KLHL14: variants seen among roughly 807,000 people sequenced by gnomAD.
The protein encoded by KLHL14 is kelch like family member 14.
Under a neutral mutation model 64.3 loss-of-function variants are expected in KLHL14, and 22 were observed. The ratio of observed to expected loss-of-function variants is 0.34; its 90% CI spans 0.24 to 0.49. KLHL14 has a LOEUF of 0.49. KLHL14 is among the 20% of genes least tolerant of loss of function. KLHL14 has a pLI of 0.99. For missense variants in KLHL14, 661 were observed against 789.0 expected (o/e 0.84, Z 1.94); for synonymous variants, 322 against 333.4 (o/e 0.97, Z 0.37).
chr18:32,762,824 G>A (rs1523577), intron 2 of KLHL14, among the ~76,000 whole-genome samples: 68,527 of 151,964 alleles, frequency 0.45, 17,330 homozygotes, highest in East Asian at 0.93. Context: ...TGAATTCTAA[G>A]TGAATGAGAG....
At chr18:32,763,064 G>A (rs1336058014) in intron 2 of KLHL14, among the ~76,000 whole-genome samples, 1 of 149,256 alleles carries the variant, frequency 6.7e-6, no homozygotes, top group Admixed American at 6.7e-5. Flanking sequence ...TCAGTGCACA[G>A]AAATCCAGGG....
rs936108079 is a variant in KLHL14 at position 32,680,871 on chromosome 18, T to A, written c.1239-272A>T. 3.9e-5 allele frequency among the ~76,000 whole-genome samples: 6 copies of A among 152,170 alleles called. No homozygotes were observed. The highest frequency in any genetic ancestry group is 1.4e-4 in the African/African-American group (6 of 41,448). The stretch of plus-strand genomic sequence containing the variant: ...TTTGTTTCAGCCCTTGTTATCTTGT[T>A]TTATACACTGTTAAGTGTTCATTAA... On this transcript the variant is annotated intron_variant, in intron 5 of 8. Transcript: ENST00000359358. The surrounding 1 kb of genome is among the most constrained non-coding windows in gnomAD (Gnocchi z 4.8).
Position 32,770,354 on chromosome 18 carries a change from C to A in KLHL14, c.238G>T (p.Ala80Ser), listed in dbSNP as rs761464648. ...GGVGGQDGLG[A>S]PKDQQQPPQQ... ...GGCGGCTGCTGCTGGTCCTTGGGGG[C>A]CCCCAGGCCGTCCTGGCCGCCGACC... Residue 80 changes from alanine to serine, a missense_variant, in exon 2 of 9, where the codon GCC (alanine) becomes TCC (serine). Ala to Ser is a moderately conservative substitution (Grantham distance 99, BLOSUM62 1). This residue lies in a region of KLHL14 where 331 missense variants were observed against 339.0 expected (regional missense o/e 0.98). Coordinates refer to ENST00000359358, the MANE Select transcript of KLHL14 (RefSeq NM_020805.3). The surrounding 1 kb of genome is among the most constrained non-coding windows in gnomAD (Gnocchi z 6.7). The A allele has an allele frequency of 1.9e-6, 3 of 1,583,438 alleles. No individual in the cohort carries two copies. Among genetic ancestry groups the A allele is most frequent in the South Asian group, 2.3e-5 (2 of 85,734 alleles).
At chr18:32,678,701 G>A (rs1292058367) in intron 7 of KLHL14, among the ~76,000 whole-genome samples, 1 of 152,060 alleles carries the variant, frequency 6.6e-6, no homozygotes, top group Non-Finnish European at 1.5e-5. Context: ...TTCCTTTACA[G>A]ACATGAGGTT....
intron 2 of KLHL14, among the ~76,000 whole-genome samples, chr18:32,759,297 T>C (rs1598579286): frequency 6.6e-6 from 1 of 152,298 alleles, no homozygotes. Context: ...AGCAGAAGCA[T>C]AATCATTATC....
At chr18:32,743,107 C>A (rs1324216880) in intron 2 of KLHL14, 1 of 152,236 alleles carries the variant, frequency 6.6e-6, no homozygotes, top group Non-Finnish European at 1.5e-5. Flanking sequence ...TACAAAGGGC[C>A]TGCTGATTTA....
intron 3 of KLHL14, among the ~76,000 whole-genome samples, chr18:32,722,963 A>G (rs2050087253): frequency 6.6e-6 from 1 of 152,118 alleles, no homozygotes; most frequent in African/African-American, 2.4e-5. Context: ...TTTAAAAATC[A>G]ACAACAACAA....
At chr18:32,753,759 C>T (rs1413442079) in intron 2 of KLHL14, among the ~76,000 whole-genome samples, 1 of 152,228 alleles carries the variant, frequency 6.6e-6, no homozygotes, top group East Asian at 1.9e-4. Context: ...AGTTTATACT[C>T]ACTGCATTTC....
rs777503149 is a variant in KLHL14, at chr18:32,770,519, G to A, written c.73C>T (p.Leu25=). 2.2e-5 allele frequency: 35 copies of A among 1,607,880 alleles called. No individual in the cohort carries two copies. The highest frequency in any genetic ancestry group is 2.1e-5 in the Non-Finnish European group (25 of 1,178,910). ...HSDNLLHGLN[L]LWRKQLFCDV... is the part of the protein sequence containing the mutation. ...CAAAACAGCTGCTTCCTCCACAGCAGGTTGAGGCCGTGCAGCAGGTTGTCG... is the reference window on the plus strand; with the variant it reads ...CAAAACAGCTGCTTCCTCCACAGCAAGTTGAGGCCGTGCAGCAGGTTGTCG... The change falls in exon 2 of 9, where the codon CTG becomes TTG. Residue 25 remains leucine (L), a synonymous_variant. Coordinates refer to ENST00000359358, the MANE Select transcript of KLHL14 (RefSeq NM_020805.3). The surrounding 1 kb of genome is among the most constrained non-coding windows in gnomAD (Gnocchi z 6.7).
intron 3 of KLHL14, among the ~76,000 whole-genome samples, chr18:32,715,230 A>G (rs1304476552): frequency 6.6e-6 from 1 of 152,210 alleles, no homozygotes; most frequent in Non-Finnish European, 1.5e-5. Context: ...GCTAGAATTT[A>G]GCTCTGCCCT....
intron 3 of KLHL14, among the ~76,000 whole-genome samples, chr18:32,701,230 C>T (rs964982258): frequency 6.6e-6 from 1 of 152,122 alleles, no homozygotes; most frequent in African/African-American, 2.4e-5. Flanking sequence ...GCTGATAATA[C>T]ACAACTGAAC....
intron 5 of KLHL14, among the ~76,000 whole-genome samples, chr18:32,681,337 C>T (rs1487967956): frequency 6.6e-6 from 1 of 151,904 alleles, no homozygotes; most frequent in Non-Finnish European, 1.5e-5. Flanking sequence ...CTAAAATATG[C>T]CATAATTTAG....
chr18:32,769,644 C>T lies in KLHL14; in HGVS notation c.947+1G>A. 1 of 839,308 alleles carries T rather than the reference C, an allele frequency of 1.2e-6. No individual in the cohort carries two copies. Among genetic ancestry groups the T allele is most frequent in the Non-Finnish European group, 1.7e-6 (1 of 584,996 alleles). The allele number at this position is 839,308 out of a possible 1,614,324, so 52.0% of individuals were successfully genotyped here. ...CCGCCCTCCTCTTTGTTGTCTCCTA[C>T]CTGCTGGCCAGGCTCTGCCTGCAGT... On this transcript the variant is annotated splice_donor_variant, in intron 2 of 8. Transcript: ENST00000359358. LOFTEE classifies it high-confidence loss of function.
At chr18:32,694,017 C>T (rs552664602) in intron 4 of KLHL14, among the ~76,000 whole-genome samples, 103 of 152,080 alleles carry the variant, frequency 6.8e-4, no homozygotes, top group Non-Finnish European at 1.2e-3. Context: ...GCCTCTGGAA[C>T]AGGTTTTCTG....
At chr18:32,751,645 C>T (rs58061270) in intron 2 of KLHL14, among the ~76,000 whole-genome samples, 3 of 152,216 alleles carry the variant, frequency 2.0e-5, no homozygotes, top group East Asian at 1.9e-4. Flanking sequence ...GACTGAAGAA[C>T]GGTCAGTCAC....
intron 3 of KLHL14, among the ~76,000 whole-genome samples, chr18:32,735,476 C>T (rs2050161136): frequency 6.6e-6 from 1 of 152,126 alleles, no homozygotes; most frequent in Non-Finnish European, 1.5e-5. Context: ...TTCCCCCTCA[C>T]TCTTTGAGTT....
intron 3 of KLHL14, among the ~76,000 whole-genome samples, chr18:32,697,174 A>G (rs2049940983): frequency 6.6e-6 from 1 of 152,254 alleles, no homozygotes; most frequent in Non-Finnish European, 1.5e-5. Context: ...TAGATGCTAC[A>G]GGCTTCACTA....
chr18:32,767,111 G>T (rs530232670), intron 2 of KLHL14, among the ~76,000 whole-genome samples: 1 of 152,126 alleles, frequency 6.6e-6, no homozygotes, highest in Non-Finnish European at 1.5e-5. Flanking sequence ...CTATTCAATT[G>T]TCTTCAATGA....
intron 3 of KLHL14, among the ~76,000 whole-genome samples, chr18:32,704,335 G>C (rs1426372634): frequency 3.3e-5 from 5 of 152,120 alleles, no homozygotes; most frequent in Non-Finnish European, 7.3e-5. Context: ...TATAAGAGGA[G>C]TTTTCTGATG....
Sources: allele counts gnomAD v4.1 joint callset (sites outside exome capture counted in the v4.1 genomes callset), GRCh38; gene constraint gnomAD v4.1.1; regional missense constraint gnomAD v4.1.1; non-coding constraint Gnocchi (gnomAD v3.1); transcripts MANE v1.5; gene names NCBI Gene and HGNC (gene_info 2026-07-23, HGNC 2026-07-21).